Variants in PCDH15 observed in about 807,000 individuals in gnomAD.
PCDH15 encodes the protein protocadherin-15.
Under a neutral mutation model 178.5 loss-of-function variants are expected in PCDH15, and 129 were observed. That is an observed-to-expected ratio of 0.72 (90% CI 0.63 to 0.84). The LOEUF (loss-of-function observed/expected upper bound fraction) is 0.84, where lower values mean the gene tolerates loss of function less well. Ranked by LOEUF, PCDH15 falls within the 40% of genes least tolerant of loss-of-function variation. PCDH15 has a pLI of 0.00. For missense variants in PCDH15, 2,230 were observed against 2,099.9 expected (o/e 1.06, Z -1.21); for synonymous variants, 800 against 732.0 (o/e 1.09, Z -1.50).
chr10:54,976,071 A>T (rs1225493307), intron 2 of PCDH15, among the ~76,000 whole-genome samples: 1 of 152,190 alleles, frequency 6.6e-6, no homozygotes, highest in Non-Finnish European at 1.5e-5. Flanking sequence ...CCTGGAATTG[A>T]GCAATCTCTC....
At chr10:55,166,337 A>T (rs1047728096) in intron 2 of PCDH15, among the ~76,000 whole-genome samples, 1 of 152,158 alleles carries the variant, frequency 6.6e-6, no homozygotes, top group Non-Finnish European at 1.5e-5. Context: ...TAAAAGAGAA[A>T]CAACAGGTAT....
intron 2 of PCDH15, among the ~76,000 whole-genome samples, chr10:54,626,478 A>G (rs1490196445): frequency 6.6e-6 from 1 of 152,184 alleles, no homozygotes; most frequent in Non-Finnish European, 1.5e-5. Context: ...AAAGGGGCCA[A>G]TTTAGAGCTT....
intron 14 of PCDH15, 25 bp downstream of exon 14, chr10:54,153,075 C>T (rs990433876): frequency 1.2e-6 from 2 of 1,613,138 alleles, no homozygotes; most frequent in Non-Finnish European, 8.5e-7. Context: ...GATGAAAAGA[C>T]TGCATTGGTT....
intron 29 of PCDH15, among the ~76,000 whole-genome samples, chr10:53,838,965 G>A (rs2077471169): frequency 6.6e-6 from 1 of 152,088 alleles, no homozygotes; most frequent in African/African-American, 2.4e-5. Context: ...AGCACTTTGG[G>A]ATGCCAAGGC....
chr10:54,607,455 G>A (rs1590456449), intron 2 of PCDH15, among the ~76,000 whole-genome samples: 1 of 151,936 alleles, frequency 6.6e-6, no homozygotes, highest in Non-Finnish European at 1.5e-5. Flanking sequence ...AATGGCAGTA[G>A]ACTAGAGAGA....
chr10:54,917,944 T>C (rs1773296926), intron 2 of PCDH15, among the ~76,000 whole-genome samples: 1 of 150,646 alleles, frequency 6.6e-6, no homozygotes, highest in African/African-American at 2.4e-5. Context: ...CAGTTACATA[T>C]GTATGACTTT....
At chr10:55,064,521 T>C (rs1159416692) in intron 2 of PCDH15, among the ~76,000 whole-genome samples, 2 of 152,010 alleles carry the variant, frequency 1.3e-5, no homozygotes, top group East Asian at 3.9e-4. Flanking sequence ...GAGAAAAAAA[T>C]TGAAATCATT....
intron 2 of PCDH15, among the ~76,000 whole-genome samples, chr10:55,551,594 T>C (rs1842004524): frequency 6.6e-6 from 1 of 151,924 alleles, no homozygotes; most frequent in Non-Finnish European, 1.5e-5. Context: ...AATATTGAAA[T>C]GTGAGTAAAG....
At chr10:55,410,882 G>T (rs1348795639) in intron 2 of PCDH15, among the ~76,000 whole-genome samples, 1 of 151,960 alleles carries the variant, frequency 6.6e-6, no homozygotes, top group Non-Finnish European at 1.5e-5. Context: ...AGACATGTAC[G>T]CATTATTGCT....
At chr10:55,410,188 T>G (rs1259707932) in intron 2 of PCDH15, among the ~76,000 whole-genome samples, 3 of 152,132 alleles carry the variant, frequency 2.0e-5, no homozygotes, top group Non-Finnish European at 4.4e-5. Flanking sequence ...ACATATCACA[T>G]AAAGCCATTA....
At chr10:54,089,054 A>T (rs914853062) in intron 16 of PCDH15, among the ~76,000 whole-genome samples, 3 of 152,202 alleles carry the variant, frequency 2.0e-5, no homozygotes, top group Non-Finnish European at 4.4e-5. Flanking sequence ...AAGTTTACTT[A>T]TCTGTGGAAA....
chr10:54,515,119 C>G (rs772935789), intron 3 of PCDH15, among the ~76,000 whole-genome samples: 1 of 152,190 alleles, frequency 6.6e-6, no homozygotes, highest in East Asian at 1.9e-4. Flanking sequence ...GAGTGCCAGA[C>G]AGTGGGTGCA....
intron 11 of PCDH15, among the ~76,000 whole-genome samples, chr10:54,191,825 G>A (rs568783662): frequency 6.6e-6 from 1 of 151,636 alleles, no homozygotes; most frequent in African/African-American, 2.4e-5. Flanking sequence ...GGAGGCTGTT[G>A]TGGGAGAATC....
At chr10:54,274,447 T>C (rs1242091995) in intron 8 of PCDH15, among the ~76,000 whole-genome samples, 2 of 152,084 alleles carry the variant, frequency 1.3e-5, no homozygotes, top group East Asian at 3.9e-4. Context: ...TTACACACTT[T>C]ATTAGAATAT....
intron 2 of PCDH15, among the ~76,000 whole-genome samples, chr10:54,617,113 C>T (rs1396818295): frequency 1.3e-5 from 2 of 150,598 alleles, no homozygotes; most frequent in Admixed American, 6.6e-5. Context: ...GCCAGCCTGT[C>T]TCGAACTCCT....
At chr10:54,066,938 T>A (rs2094146823) in intron 17 of PCDH15, 53 bp from the exon 18 acceptor site, 2 of 1,557,532 alleles carry the variant, frequency 1.3e-6, no homozygotes, top group Admixed American at 1.7e-5. Flanking sequence ...TTACTTAGAA[T>A]TCATTTAAGT....
intron 1 of PCDH15, among the ~76,000 whole-genome samples, chr10:54,764,735 A>T (rs560376605): frequency 6.6e-6 from 1 of 152,102 alleles, no homozygotes; most frequent in Non-Finnish European, 1.5e-5. Flanking sequence ...CCAGATGAAG[A>T]TGCCTTCTGA....
chr10:54,311,653 A>AT (rs1158354649), intron 8 of PCDH15, among the ~76,000 whole-genome samples: 1 of 152,100 alleles, frequency 6.6e-6, no homozygotes, highest in Non-Finnish European at 1.5e-5. Flanking sequence ...TTAATACTAA[A>AT]TTAGCAGAGT....
intron 2 of PCDH15, among the ~76,000 whole-genome samples, chr10:54,993,589 C>T (rs1365783023): frequency 6.6e-6 from 1 of 151,962 alleles, no homozygotes; most frequent in African/African-American, 2.4e-5. Context: ...CAAATTCACA[C>T]TGAATTTGAG....
Sources: allele counts gnomAD v4.1 joint callset (sites outside exome capture counted in the v4.1 genomes callset), GRCh38; gene constraint gnomAD v4.1.1; transcripts MANE v1.5; gene names NCBI Gene and HGNC (gene_info 2026-07-23, HGNC 2026-07-21).